The following TBCK variants were observed in gnomAD, a reference collection of about 807,000 sequenced individuals.
TBCK encodes the protein TBC1 domain containing kinase, also known as TBC domain-containing protein kinase-like protein.
Under a neutral mutation model 113.4 loss-of-function variants are expected in TBCK, and 99 were observed. The observed-to-expected ratio is 0.87, with a 90% CI of 0.74 to 1.03. The LOEUF is 1.03. Ranked by LOEUF, TBCK falls within the 50% of genes least tolerant of loss-of-function variation. The probability of loss-of-function intolerance (pLI) is 0.00; values close to 1 mark genes in which losing one functional copy is unlikely to be tolerated. For synonymous variants in TBCK, 369 were observed against 370.8 expected (o/e 1.00, Z 0.05); for missense variants, 1,045 against 1,061.3 (o/e 0.98, Z 0.21).
chr4:106,118,899 T>A (rs1743902589), intron 23 of TBCK, among the ~76,000 whole-genome samples: 2 of 152,224 alleles, frequency 1.3e-5, no homozygotes, highest in Non-Finnish European at 2.9e-5. Flanking sequence ...CTGACAAATT[T>A]AAATGTTCTA....
chr4:106,120,698 A>C (rs1553934513), intron 23 of TBCK, among the ~76,000 whole-genome samples: 5 of 152,178 alleles, frequency 3.3e-5, no homozygotes, highest in Non-Finnish European at 7.3e-5. Context: ...ACCCCCCAGC[A>C]GGGGCACACT....
At chr4:106,091,155 T>C (rs898935946) in intron 25 of TBCK, among the ~76,000 whole-genome samples, 4 of 152,212 alleles carry the variant, frequency 2.6e-5, no homozygotes, top group African/African-American at 9.7e-5. Flanking sequence ...ACAGAAAGCA[T>C]GGTGCTGACA....
intron 25 of TBCK, among the ~76,000 whole-genome samples, chr4:106,061,043 C>CA (rs58153651): frequency 1.3e-4 from 20 of 148,312 alleles, no homozygotes; most frequent in East Asian, 9.9e-4. Flanking sequence ...TATGAATGTG[C>CA]AAAAAAAAAA....
intron 19 of TBCK, among the ~76,000 whole-genome samples, chr4:106,220,745 C>G (rs1259463334): frequency 6.6e-6 from 1 of 152,184 alleles, no homozygotes; most frequent in Non-Finnish European, 1.5e-5. Flanking sequence ...ACATCAGTTT[C>G]AAGAGTTATA....
chr4:106,200,156 C>T (rs1754713882), intron 20 of TBCK, among the ~76,000 whole-genome samples: 1 of 152,186 alleles, frequency 6.6e-6, no homozygotes, highest in African/African-American at 2.4e-5. Context: ...ACTGCTGCTG[C>T]TTTCGCTTGG....
intron 2 of TBCK, among the ~76,000 whole-genome samples, chr4:106,300,268 C>T (rs1368856202): frequency 6.6e-6 from 1 of 152,170 alleles, no homozygotes; most frequent in African/African-American, 2.4e-5. Flanking sequence ...TTGGGTATGT[C>T]TTTATCAGCA....
At chr4:106,119,723 C>T (rs1368231171) in intron 23 of TBCK, among the ~76,000 whole-genome samples, 1 of 152,118 alleles carries the variant, frequency 6.6e-6, no homozygotes, top group Non-Finnish European at 1.5e-5. Context: ...AGTAAAGAGA[C>T]AACTTGCAGA....
At chr4:106,233,449 G>A (rs1459175492) in intron 16 of TBCK, 139 bp downstream of exon 16, 2 of 685,920 alleles carry the variant, frequency 2.9e-6, no homozygotes, top group Non-Finnish European at 5.1e-6. Flanking sequence ...AAGCATAAGA[G>A]TTATGGTTTC....
intron 1 of TBCK, among the ~76,000 whole-genome samples, chr4:106,309,745 G>A (rs558626979): frequency 1.3e-4 from 20 of 152,088 alleles, no homozygotes; most frequent in Non-Finnish European, 2.2e-4. Context: ...TAGTAGTAAA[G>A]CTTAAACTAG....
At chr4:106,062,616 T>C (rs1736176433) in intron 25 of TBCK, among the ~76,000 whole-genome samples, 1 of 151,830 alleles carries the variant, frequency 6.6e-6, no homozygotes, top group Non-Finnish European at 1.5e-5. Flanking sequence ...GTGGGTCAAA[T>C]GGGAGGGCAA....
At chr4:106,237,590 T>A (rs1387172672) in intron 12 of TBCK, 3 of 453,676 alleles carry the variant, frequency 6.6e-6, no homozygotes, top group Non-Finnish European at 1.3e-5. Context: ...AGCACTGATC[T>A]TCTGCTGATT....
At chr4:106,127,753 A>G (rs956273470) in intron 23 of TBCK, among the ~76,000 whole-genome samples, 2 of 152,158 alleles carry the variant, frequency 1.3e-5, no homozygotes, top group African/African-American at 4.8e-5. Context: ...CTAAAATTTT[A>G]AAGTTTTCAA....
intron 22 of TBCK, among the ~76,000 whole-genome samples, chr4:106,192,112 C>T (rs1236160948): frequency 6.6e-6 from 1 of 152,050 alleles, no homozygotes. Context: ...AGAAATATGT[C>T]AGTCGACCAT....
At chr4:106,266,238 TC>T (rs1762980449) in intron 3 of TBCK, among the ~76,000 whole-genome samples, 1 of 151,704 alleles carries the variant, frequency 6.6e-6, no homozygotes, top group Non-Finnish European at 1.5e-5. Flanking sequence ...AGAGAAACAT[TC>T]CCTGAGATTA....
intron 22 of TBCK, among the ~76,000 whole-genome samples, chr4:106,172,744 G>C (rs1471794667): frequency 2.0e-5 from 3 of 151,964 alleles, no homozygotes; most frequent in Non-Finnish European, 4.4e-5. Context: ...ATCTGGAAGA[G>C]GGAAAAAGAA....
intron 22 of TBCK, among the ~76,000 whole-genome samples, chr4:106,177,976 A>AT (rs1751886823): frequency 6.6e-6 from 1 of 151,888 alleles, no homozygotes; most frequent in African/African-American, 2.4e-5. Context: ...ATATCTTTTC[A>AT]TTTTTTATTG....
intron 12 of TBCK, among the ~76,000 whole-genome samples, chr4:106,239,703 T>C (rs1388522075): frequency 1.3e-5 from 2 of 151,604 alleles, no homozygotes; most frequent in Non-Finnish European, 1.5e-5. Flanking sequence ...ACAACCTGAG[T>C]AAACTTATAA....
chr4:106,165,099 T>C (rs1335124083), intron 23 of TBCK, among the ~76,000 whole-genome samples: 1 of 151,742 alleles, frequency 6.6e-6, no homozygotes, highest in East Asian at 1.9e-4. Context: ...ATACCAGTCA[T>C]AAATATGTGA....
Position 106,228,957 on chromosome 4 carries a change from T to C in TBCK, c.1774+1406A>G, listed in dbSNP as rs557222024. Among the ~76,000 whole-genome samples, 12 of 152,188 alleles carry C rather than the reference T, an allele frequency of 7.9e-5. No homozygotes were observed. In the South Asian group the frequency reaches 1.2e-3, roughly 16 times the overall value. On this transcript the variant is annotated intron_variant, in intron 19 of 25. Coordinates refer to ENST00000394708, the MANE Select transcript of TBCK (RefSeq NM_001163435.3). ...CCATTTTAAGCAGAGTGACACGATATCTCATTGTAGTTTTGACTTGAATTT... is the reference window on the plus strand; with the variant it reads ...CCATTTTAAGCAGAGTGACACGATACCTCATTGTAGTTTTGACTTGAATTT...
Sources: allele counts gnomAD v4.1 joint callset (sites outside exome capture counted in the v4.1 genomes callset), GRCh38; gene constraint gnomAD v4.1.1; transcripts MANE v1.5; gene names NCBI Gene and HGNC (gene_info 2026-07-23, HGNC 2026-07-21).